PDE1C: variants seen among roughly 807,000 people sequenced by gnomAD.
PDE1C encodes the protein dual specificity calcium/calmodulin-dependent 3',5'-cyclic nucleotide phosphodiesterase 1C.
PDE1C carries 62 observed loss-of-function variants against 93.1 expected under a neutral mutation model. The observed-to-expected ratio is 0.67, with a 90% confidence interval of 0.54 to 0.82. PDE1C has a LOEUF of 0.82. Among genes scored for constraint, PDE1C ranks in the 40% least tolerant of loss-of-function variants. The probability of loss-of-function intolerance (pLI) is 0.00; values close to 1 mark genes in which losing one functional copy is unlikely to be tolerated. For synonymous variants in PDE1C, 325 were observed against 310.1 expected, an observed-to-expected ratio of 1.05 and a Z score of -0.50; for missense variants, 742 against 884.6, an observed-to-expected ratio of 0.84 and a Z score of 2.04.
intron 1 of PDE1C, among the ~76,000 whole-genome samples, chr7:32,417,076 C>G (rs904777735): frequency 6.6e-6 from 1 of 152,144 alleles, no homozygotes; most frequent in Non-Finnish European, 1.5e-5. Flanking sequence ...TCCCTCAGAA[C>G]AGACTAATCT....
At position 32,143,788 on chromosome 7, in the gene PDE1C, A is replaced by G. The variant is rs1456693184; in HGVS notation, c.308+25997T>C. Reference sequence around the variant, plus strand: ...CAACAAATATTACATGTCTATTCACAGAAGTTGTGCGAAGTATTACAGACA... The same window carrying G: ...CAACAAATATTACATGTCTATTCACGGAAGTTGTGCGAAGTATTACAGACA... On this transcript the variant is annotated intron_variant, in intron 3 of 18. Coordinates refer to the PDE1C transcript ENST00000396193. 3.9e-5 allele frequency among the ~76,000 whole-genome samples: 6 copies of G among 152,136 alleles called. No homozygotes were observed. The South Asian group carries it at 1.2e-3, about 32-fold the overall frequency.
chr7:31,681,183 C>T, the PDE1C span, among the ~76,000 whole-genome samples: 2 of 152,152 alleles, frequency 1.3e-5, no homozygotes, highest in South Asian at 2.1e-4. Flanking sequence ...GGTAGGTAAA[C>T]GGCTACTGCA....
intron 3 of PDE1C, among the ~76,000 whole-genome samples, chr7:32,092,744 G>A (rs1797539392): frequency 6.6e-6 from 1 of 152,176 alleles, no homozygotes; most frequent in Admixed American, 6.5e-5. Context: ...AGCCAAGATG[G>A]CACAAAAACT....
intron 1 of PDE1C, among the ~76,000 whole-genome samples, chr7:32,405,022 G>A (rs1015607317): frequency 6.6e-6 from 1 of 152,148 alleles, no homozygotes; most frequent in African/African-American, 2.4e-5. Flanking sequence ...TCTGTGGAAT[G>A]TGTGGAGCCT....
At chr7:31,983,357 G>T (rs1297977296) in intron 2 of PDE1C, among the ~76,000 whole-genome samples, 1 of 152,164 alleles carries the variant, frequency 6.6e-6, no homozygotes, top group Non-Finnish European at 1.5e-5. Flanking sequence ...CAGGAGAGTT[G>T]GGGAAGCTCA....
intron 6 of PDE1C, among the ~76,000 whole-genome samples, chr7:31,866,561 G>A (rs1172692082): frequency 1.3e-5 from 2 of 152,056 alleles, no homozygotes; most frequent in African/African-American, 4.8e-5. Context: ...AAGTATTTGT[G>A]GTCATGTAAA....
the PDE1C span, among the ~76,000 whole-genome samples, chr7:31,669,253 TTC>T: frequency 1.3e-5 from 2 of 152,176 alleles, no homozygotes; most frequent in African/African-American, 4.8e-5. Flanking sequence ...CTTCTCTTTT[TTC>T]TTTTTCATAA....
In PDE1C at chr7:31,960,153, G is replaced by C. The variant is rs374896911; in HGVS notation, c.129-79293C>G. Among the ~76,000 whole-genome samples the C allele has an allele frequency of 1.1e-3, 172 of 152,268 alleles. 1 individual carries two copies. In the Middle Eastern group the frequency reaches 0.014, roughly 12 times the overall value. On this transcript the variant is annotated intron_variant, in intron 2 of 17. Coordinates refer to ENST00000396191, the MANE Select transcript of PDE1C (RefSeq NM_001191057.4). ...ACCTCCCAAAGTGCTGGGATGACAG[G>C]TGTGAGCCACCGCGCCCGGCCTCAA...
At chr7:31,879,359 C>T (rs1468915178) in intron 3 of PDE1C, 181 bp from the exon 4 acceptor site, 3 of 574,784 alleles carry the variant, frequency 5.2e-6, no homozygotes, top group East Asian at 2.8e-5. Flanking sequence ...ATGTGTGTTT[C>T]GCGATGGTCT....
At chr7:31,649,259 G>A in the PDE1C span, among the ~76,000 whole-genome samples, 4 of 152,112 alleles carry the variant, frequency 2.6e-5, no homozygotes, top group Admixed American at 6.5e-5. Flanking sequence ...ATAGCCATCC[G>A]GCTGCCAGGA....
intron 2 of PDE1C, among the ~76,000 whole-genome samples, chr7:31,980,100 T>A (rs1812183243): frequency 6.6e-6 from 1 of 152,212 alleles, no homozygotes; most frequent in African/African-American, 2.4e-5. Flanking sequence ...TGGTGTGCTC[T>A]GCAGATGACT....
intron 2 of PDE1C, among the ~76,000 whole-genome samples, chr7:31,948,653 C>T (rs1806947865): frequency 6.6e-6 from 1 of 152,054 alleles, no homozygotes; most frequent in South Asian, 2.1e-4. Context: ...TCTTACTTAT[C>T]TTTTTGCGGA....
At chr7:31,674,389 C>T in the PDE1C span, among the ~76,000 whole-genome samples, 6 of 152,050 alleles carry the variant, frequency 3.9e-5, no homozygotes, top group Admixed American at 2.0e-4. Context: ...AAAATGCTTT[C>T]GACTTTTCTA....
At chr7:31,708,482 A>G in the PDE1C span, 1 of 152,344 alleles carries the variant, frequency 6.6e-6, no homozygotes, top group South Asian at 2.1e-4. Flanking sequence ...CGTTTCTCCT[A>G]AGAATACCCA....
chr7:32,185,410 T>C (rs543872715), intron 2 of PDE1C, among the ~76,000 whole-genome samples: 1 of 152,294 alleles, frequency 6.6e-6, no homozygotes, highest in African/African-American at 2.4e-5. Flanking sequence ...TTTAGTTTCT[T>C]CTTTTACGTT....
intron 17 of PDE1C, among the ~76,000 whole-genome samples, chr7:31,757,380 T>C (rs1255496674): frequency 6.6e-6 from 1 of 152,192 alleles, no homozygotes; most frequent in Non-Finnish European, 1.5e-5. Context: ...CATGTAACTT[T>C]TAAAAAAGAA....
At chr7:31,658,443 C>A in the PDE1C span, 3 of 1,399,740 alleles carry the variant, frequency 2.1e-6, no homozygotes, top group Non-Finnish European at 2.8e-6. Flanking sequence ...TAACACATGT[C>A]GAACAAAATA....
intron 1 of PDE1C, among the ~76,000 whole-genome samples, chr7:32,322,553 A>G (rs1783316329): frequency 6.6e-6 from 1 of 152,132 alleles, no homozygotes; most frequent in Non-Finnish European, 1.5e-5. Flanking sequence ...GCAGTAAGCT[A>G]TGATCACACC....
chr7:31,651,749 T>C, the PDE1C span, among the ~76,000 whole-genome samples: 1 of 149,258 alleles, frequency 6.7e-6, no homozygotes, highest in Non-Finnish European at 1.5e-5. Context: ...GGGAACTATA[T>C]TATACTGCAA....
Sources: gnomAD v4.1 joint callset for allele counts (sites outside exome capture counted in the v4.1 genomes callset) on GRCh38, gnomAD v4.1.1 for gene constraint, MANE v1.5 for transcripts, NCBI Gene and HGNC (gene_info 2026-07-23, HGNC 2026-07-21) for gene names.